The following GPC6 variants were observed in gnomAD, a reference collection of about 807,000 sequenced individuals.
GPC6 encodes glypican-6.
GPC6 carries 14 observed loss-of-function variants against 55.2 expected under a neutral mutation model. That is an observed-to-expected ratio of 0.25 (90% CI 0.17 to 0.40). The LOEUF is 0.40. Ranked by LOEUF, GPC6 falls within the 10% of genes least tolerant of loss-of-function variation. The probability of loss-of-function intolerance (pLI) is 1.00; values close to 1 mark genes in which losing one functional copy is unlikely to be tolerated. For missense variants in GPC6, 641 were observed against 708.5 expected (o/e 0.90, Z 1.08); for synonymous variants, 278 against 259.6 (o/e 1.07, Z -0.68).
At chr13:94,179,268 C>T (rs759108668) in intron 4 of GPC6, among the ~76,000 whole-genome samples, 3 of 152,188 alleles carry the variant, frequency 2.0e-5, no homozygotes, top group South Asian at 2.1e-4. Context: ...TGTCAAATGA[C>T]GCTGCATTTG....
chr13:93,977,485 TG>T (rs1880574465), intron 3 of GPC6, among the ~76,000 whole-genome samples: 1 of 143,536 alleles, frequency 7.0e-6, no homozygotes, highest in African/African-American at 2.6e-5. Flanking sequence ...TGTGTGTGTG[TG>T]TGTGTGTGTG....
intron 2 of GPC6, among the ~76,000 whole-genome samples, chr13:93,596,427 A>G (rs56826705): frequency 0.016 from 2,402 of 152,030 alleles, 73 homozygotes; most frequent in African/African-American, 0.055. Flanking sequence ...AGTATCAGCT[A>G]GTATTTGGGT....
At chr13:93,657,949 A>G (rs540458526) in intron 2 of GPC6, among the ~76,000 whole-genome samples, 3 of 152,178 alleles carry the variant, frequency 2.0e-5, no homozygotes, top group Admixed American at 6.5e-5. Flanking sequence ...TAAAAAAATA[A>G]CAGATGTTGG....
intron 2 of GPC6, among the ~76,000 whole-genome samples, chr13:93,556,651 T>C (rs1875497524): frequency 6.7e-6 from 1 of 149,392 alleles, no homozygotes; most frequent in Non-Finnish European, 1.5e-5. Flanking sequence ...TCTATAATAA[T>C]TTTTTTTTTA....
At chr13:94,296,156 G>C (rs975741167) in intron 5 of GPC6, among the ~76,000 whole-genome samples, 1 of 152,150 alleles carries the variant, frequency 6.6e-6, no homozygotes, top group Non-Finnish European at 1.5e-5. Flanking sequence ...TGCTTATGAT[G>C]CATTTATGTG....
At chr13:93,368,696 G>A (rs909847307) in intron 1 of GPC6, among the ~76,000 whole-genome samples, 5 of 151,914 alleles carry the variant, frequency 3.3e-5, no homozygotes, top group African/African-American at 1.2e-4. Context: ...TAATTCTGAA[G>A]GCTTTTCATT....
intron 3 of GPC6, among the ~76,000 whole-genome samples, chr13:93,864,389 A>G (rs1888900786): frequency 6.6e-6 from 1 of 151,686 alleles, no homozygotes; most frequent in South Asian, 2.1e-4. Flanking sequence ...TATACTTCTC[A>G]TGAGTATGTG....
intron 2 of GPC6, among the ~76,000 whole-genome samples, chr13:93,662,922 C>A (rs1354986267): frequency 2.0e-5 from 3 of 152,036 alleles, no homozygotes; most frequent in Non-Finnish European, 4.4e-5. Flanking sequence ...AATCAGAATT[C>A]TGGTGAAGTC....
rs115339261 is a variant in GPC6, at chr13:93,272,052, A to G, written c.160+44436A>G. ...ATGGGATTATAGTCATTTATTGAAT[A>G]TCAAGAGGTAGTTAATTTTTTTTTC... On this transcript the variant is annotated intron_variant, in intron 1 of 8. Transcript: ENST00000377047. Among the ~76,000 whole-genome samples the G allele has an allele frequency of 5.7e-3, 861 of 152,244 alleles. 13 individuals are homozygous for G. The highest frequency in any genetic ancestry group is 0.02 in the African/African-American group (822 of 41,552).
intron 4 of GPC6, among the ~76,000 whole-genome samples, chr13:94,120,962 A>C (rs964132066): frequency 1.3e-5 from 2 of 152,092 alleles, no homozygotes; most frequent in Admixed American, 1.3e-4. Flanking sequence ...TCTCTGGGTG[A>C]TCTCTGTTAA....
rs535708858 is a variant in GPC6, at chr13:94,139,040, C to G, written c.877+111146C>G. 4.6e-5 allele frequency among the ~76,000 whole-genome samples: 7 copies of G among 151,736 alleles called. No homozygotes were observed. In the South Asian group the frequency reaches 1.5e-3, roughly 32 times the overall value. On this transcript the variant is annotated intron_variant, in intron 4 of 8. Coordinates refer to ENST00000377047, the MANE Select transcript of GPC6 (RefSeq NM_005708.5). ...CAGGCAGACAGTTTCCAGGAGATGACACTGGAGCTGACTTTTGAAGATATG... is the reference window on the plus strand; with the variant it reads ...CAGGCAGACAGTTTCCAGGAGATGAGACTGGAGCTGACTTTTGAAGATATG...
At chr13:93,438,814 A>G (rs1022938662) in intron 1 of GPC6, among the ~76,000 whole-genome samples, 5 of 152,184 alleles carry the variant, frequency 3.3e-5, no homozygotes, top group Admixed American at 6.5e-5. Context: ...TGTGGGTACA[A>G]TGCTGTCAAA....
chr13:93,489,358 G>C (rs1348931997), intron 1 of GPC6, among the ~76,000 whole-genome samples: 2 of 151,486 alleles, frequency 1.3e-5, no homozygotes, highest in East Asian at 4.4e-4. Flanking sequence ...GTACCATGCT[G>C]TTTTGGTTAC....
At chr13:93,769,832 A>C (rs1031255651) in intron 2 of GPC6, among the ~76,000 whole-genome samples, 3 of 152,192 alleles carry the variant, frequency 2.0e-5, no homozygotes, top group African/African-American at 7.2e-5. Flanking sequence ...GTGTTTTTCC[A>C]ATCTTGGTAG....
intron 2 of GPC6, among the ~76,000 whole-genome samples, chr13:93,648,759 T>C (rs1488267500): frequency 1.3e-5 from 2 of 152,166 alleles, no homozygotes; most frequent in East Asian, 3.9e-4. Flanking sequence ...ACTGAGATAA[T>C]ATAGCTATAC....
chr13:93,270,045 A>G (rs1483642069), intron 1 of GPC6, among the ~76,000 whole-genome samples: 1 of 151,862 alleles, frequency 6.6e-6, no homozygotes, highest in African/African-American at 2.4e-5. Context: ...GCTTGAGCTC[A>G]GGAATTCCAG....
intron 3 of GPC6, among the ~76,000 whole-genome samples, chr13:93,892,133 A>G (rs962226504): frequency 3.3e-5 from 5 of 152,098 alleles, no homozygotes; most frequent in African/African-American, 1.2e-4. Context: ...GTGTATGTAT[A>G]TGCACATATA....
At chr13:93,680,271 A>C (rs1288140834) in intron 2 of GPC6, among the ~76,000 whole-genome samples, 1 of 152,112 alleles carries the variant, frequency 6.6e-6, no homozygotes, top group East Asian at 1.9e-4. Flanking sequence ...GGCCATCTAC[A>C]AGCCAAGGAG....
chr13:93,278,070 G>A (rs1877817456), intron 1 of GPC6, among the ~76,000 whole-genome samples: 1 of 152,004 alleles, frequency 6.6e-6, no homozygotes. Flanking sequence ...TAATTTGCTG[G>A]TAAACCTTAT....
Sources: allele counts gnomAD v4.1 joint callset (sites outside exome capture counted in the v4.1 genomes callset), GRCh38; gene constraint gnomAD v4.1.1; transcripts MANE v1.5; gene names NCBI Gene and HGNC (gene_info 2026-07-23, HGNC 2026-07-21).